Variants in EBF2 observed in about 807,000 individuals in gnomAD.
The protein encoded by EBF2 is EBF transcription factor 2.
A neutral mutation model predicts 72.8 loss-of-function variants in EBF2; 21 were observed. That is an observed-to-expected ratio of 0.29 (90% CI 0.20 to 0.42). The LOEUF is 0.42. EBF2 is among the 10% of genes least tolerant of loss of function. The pLI is 1.00. For synonymous variants in EBF2, 299 were observed against 274.2 expected, an observed-to-expected ratio of 1.09 and a Z score of -0.89; for missense variants, 637 against 731.2, an observed-to-expected ratio of 0.87 and a Z score of 1.49.
At chr8:25,860,954 G>A in intron 13 of EBF2, 95 bp downstream of exon 13, 1 of 1,363,980 alleles carries the variant, frequency 7.3e-7, no homozygotes, top group Non-Finnish European at 1.0e-6. Context: ...GACACACTCT[G>A]TTGGACCATT....
chr8:25,923,425 T>C (rs561814131), intron 6 of EBF2, among the ~76,000 whole-genome samples: 32 of 152,346 alleles, frequency 2.1e-4, no homozygotes, highest in African/African-American at 7.0e-4. Context: ...CCGGTATTTT[T>C]GTTTTCTTTA....
intron 7 of EBF2, among the ~76,000 whole-genome samples, chr8:25,901,819 C>T (rs993766089): frequency 1.3e-5 from 2 of 152,210 alleles, no homozygotes; most frequent in African/African-American, 2.4e-5. Context: ...TGGCACTGTA[C>T]GGAAGCCCAC....
At chr8:25,944,434 G>T (rs567593715) in intron 6 of EBF2, among the ~76,000 whole-genome samples, 1 of 152,188 alleles carries the variant, frequency 6.6e-6, no homozygotes, top group South Asian at 2.1e-4. Context: ...TTTGCAGGCA[G>T]AGGTCAATGT....
At chr8:25,891,945 A>G (rs1289899713) in intron 7 of EBF2, among the ~76,000 whole-genome samples, 1 of 152,152 alleles carries the variant, frequency 6.6e-6, no homozygotes, top group African/African-American at 2.4e-5. Context: ...AATAATTTCA[A>G]GCAAACAAAA....
intron 6 of EBF2, among the ~76,000 whole-genome samples, chr8:25,987,789 T>C (rs1804484386): frequency 6.6e-6 from 1 of 152,084 alleles, no homozygotes. Context: ...TTGTGCTCCC[T>C]AGAAGCCCCT....
At chr8:25,894,029 T>A (rs1802826821) in intron 7 of EBF2, among the ~76,000 whole-genome samples, 1 of 152,218 alleles carries the variant, frequency 6.6e-6, no homozygotes, top group Non-Finnish European at 1.5e-5. Flanking sequence ...CGTATAGATA[T>A]GAGGCAAGTT....
intron 13 of EBF2, among the ~76,000 whole-genome samples, chr8:25,860,113 A>T (rs1226734217): frequency 6.6e-6 from 1 of 152,168 alleles, no homozygotes; most frequent in Non-Finnish European, 1.5e-5. Flanking sequence ...ATTGTTAAGG[A>T]CCTCATTAGG....
At chr8:25,860,125 A>G (rs1382590350) in intron 13 of EBF2, among the ~76,000 whole-genome samples, 2 of 152,202 alleles carry the variant, frequency 1.3e-5, no homozygotes, top group African/African-American at 4.8e-5. Context: ...CTCATTAGGA[A>G]CATTTACTCC....
chr8:26,042,994 G>A (rs1233025625), intron 1 of EBF2, among the ~76,000 whole-genome samples: 1 of 152,216 alleles, frequency 6.6e-6, no homozygotes, highest in Admixed American at 6.5e-5. Context: ...AGAGGTGCTA[G>A]GTGGGGAAAA....
At chr8:25,981,603 C>T (rs931354565) in intron 6 of EBF2, among the ~76,000 whole-genome samples, 14 of 152,022 alleles carry the variant, frequency 9.2e-5, no homozygotes, top group African/African-American at 3.4e-4. Flanking sequence ...TGAGACCAGC[C>T]TGGCCAACGT....
chr8:25,895,200 G>A (rs1235428355), intron 7 of EBF2, among the ~76,000 whole-genome samples: 4 of 152,224 alleles, frequency 2.6e-5, no homozygotes, highest in African/African-American at 9.6e-5. Context: ...GTAAATGACA[G>A]CTCTCCTCAA....
At chr8:25,955,590 C>A (rs1343819230) in intron 6 of EBF2, among the ~76,000 whole-genome samples, 1 of 152,130 alleles carries the variant, frequency 6.6e-6, no homozygotes, top group Non-Finnish European at 1.5e-5. Context: ...TATTTTAACA[C>A]ATTTTCTATA....
intron 6 of EBF2, among the ~76,000 whole-genome samples, chr8:26,027,757 A>G (rs1221509097): frequency 2.6e-5 from 4 of 152,132 alleles, no homozygotes; most frequent in African/African-American, 7.2e-5. Flanking sequence ...TGGTTCATCC[A>G]TACAACGGAA....
At chr8:25,902,432 G>A (rs1402079779) in intron 7 of EBF2, among the ~76,000 whole-genome samples, 1 of 152,038 alleles carries the variant, frequency 6.6e-6, no homozygotes, top group Non-Finnish European at 1.5e-5. Flanking sequence ...ACTTTGAGGA[G>A]CCCTGGAAAT....
chr8:25,850,450 A>G (rs1379503822), intron 15 of EBF2, 144 bp downstream of exon 15: 34 of 1,033,770 alleles, frequency 3.3e-5, no homozygotes, highest in Non-Finnish European at 4.0e-5. Context: ...GCCTAGCTGT[A>G]GAAGCCATTC....
chr8:25,920,526 C>T (rs185928233), intron 6 of EBF2, among the ~76,000 whole-genome samples: 382 of 152,268 alleles, frequency 2.5e-3, no homozygotes, highest in Non-Finnish European at 4.5e-3. Context: ...TTCAGCTTTG[C>T]CTACCCAATT....
chr8:25,919,481 AGAT>A (rs1803274260), intron 6 of EBF2, among the ~76,000 whole-genome samples: 1 of 152,238 alleles, frequency 6.6e-6, no homozygotes, highest in Non-Finnish European at 1.5e-5. Flanking sequence ...TAAGTCAAAA[AGAT>A]GAAGCCATTT....
At chr8:25,871,673 G>A (rs967408249) in intron 10 of EBF2, among the ~76,000 whole-genome samples, 1 of 152,158 alleles carries the variant, frequency 6.6e-6, no homozygotes, top group Non-Finnish European at 1.5e-5. Context: ...GAGTCATTCG[G>A]GTTTGCTTAA....
In EBF2 at chr8:25,982,512, T is replaced by C. The variant is rs563520903; in HGVS notation, c.551+50573A>G. On this transcript the variant is annotated intron_variant, in intron 6 of 15. Transcript: ENST00000520164. ...GAGTGAAAGGTGAAACTCAGATCAT[T>C]CCCAGGGGAAGAGTTTTAATGTAAG... Among the ~76,000 whole-genome samples the C allele has an allele frequency of 1.8e-4, 28 of 152,284 alleles. No homozygotes were observed. The South Asian group carries it at 5.8e-3, about 32-fold the overall frequency.
Sources: gnomAD v4.1 joint callset for allele counts (sites outside exome capture counted in the v4.1 genomes callset) on GRCh38, gnomAD v4.1.1 for gene constraint, MANE v1.5 for transcripts, NCBI Gene and HGNC (gene_info 2026-07-23, HGNC 2026-07-21) for gene names.